Variants in PDE8B observed in about 807,000 individuals in gnomAD.
PDE8B encodes the protein high affinity cAMP-specific and IBMX-insensitive 3',5'-cyclic phosphodiesterase 8B.
Under a neutral mutation model 101.3 loss-of-function variants are expected in PDE8B, and 26 were observed. The ratio of observed to expected loss-of-function variants is 0.26; its 90% CI spans 0.19 to 0.36. PDE8B has a LOEUF of 0.36. Ranked by LOEUF, PDE8B falls within the 10% of genes least tolerant of loss-of-function variation. PDE8B has a pLI of 1.00. For missense variants in PDE8B, 810 were observed against 1,163.1 expected, an observed-to-expected ratio of 0.70 and a Z score of 4.42; for synonymous variants, 424 against 429.3, an observed-to-expected ratio of 0.99 and a Z score of 0.15.
chr5:77,426,027 C>T, intron 21 of PDE8B, 131 bp downstream of exon 21: 1 of 868,672 alleles, frequency 1.2e-6, no homozygotes, highest in Non-Finnish European at 1.9e-6. Context: ...CTTTTTGTGG[C>T]CAAGTGGGGT....
chr5:77,324,356 G>C (rs932423083), intron 2 of PDE8B, among the ~76,000 whole-genome samples: 3 of 152,094 alleles, frequency 2.0e-5, no homozygotes, highest in Non-Finnish European at 4.4e-5. Context: ...GGGCATGGGG[G>C]GTACAAGCAG....
intron 2 of PDE8B, among the ~76,000 whole-genome samples, chr5:77,322,870 T>C (rs1426376195): frequency 7.2e-5 from 11 of 152,262 alleles, no homozygotes; most frequent in Admixed American, 7.2e-4. Flanking sequence ...CAACATACCA[T>C]AAGCAGTTAA....
At chr5:77,091,958 G>A in the PDE8B span, among the ~76,000 whole-genome samples, 1 of 152,082 alleles carries the variant, frequency 6.6e-6, no homozygotes, top group Admixed American at 6.5e-5. Flanking sequence ...CCCTCAAGAG[G>A]ATTACACTCC....
chr5:77,343,543 A>ATGGAGCTTGCAGGAC (rs1273667342), intron 6 of PDE8B, among the ~76,000 whole-genome samples: 1 of 152,226 alleles, frequency 6.6e-6, no homozygotes. Flanking sequence ...CTTAGCATGA[A>ATGGAGCTTGCAGGAC]TGGAGCTTGC....
At chr5:77,426,127 C>G in intron 21 of PDE8B, 1 of 607,046 alleles carries the variant, frequency 1.6e-6, no homozygotes, top group African/African-American at 1.8e-5. Flanking sequence ...AAACGAGTCT[C>G]TGCCTCTTCA....
chr5:77,326,627 T>C (rs1192608717), intron 3 of PDE8B, among the ~76,000 whole-genome samples: 1 of 152,196 alleles, frequency 6.6e-6, no homozygotes, highest in Non-Finnish European at 1.5e-5. Flanking sequence ...CTTCAAATAA[T>C]CTCATCTTTC....
intron 10 of PDE8B, among the ~76,000 whole-genome samples, chr5:77,382,785 A>G (rs1296763481): frequency 6.6e-6 from 1 of 152,104 alleles, no homozygotes; most frequent in Admixed American, 6.6e-5. Context: ...TTATGGCTGC[A>G]TAGTATTCCA....
chr5:77,308,477 T>C lies in PDE8B; in HGVS notation c.340-3517T>C, dbSNP rs544624527. Among the ~76,000 whole-genome samples, 3 of 152,246 alleles carry C rather than the reference T, an allele frequency of 2.0e-5. No homozygotes were observed. The South Asian group carries it at 6.2e-4, about 32-fold the overall frequency. On this transcript the variant is annotated intron_variant, in intron 1 of 21. Transcript: ENST00000264917. ...GGAGAATGTCCCTTAGCAGCAACTT[T>C]ACAGCCCCACTTCCGGGCTCTGCTG... is the stretch of plus-strand genomic sequence containing the variant.
chr5:77,176,698 A>G, the PDE8B span, among the ~76,000 whole-genome samples: 1 of 152,218 alleles, frequency 6.6e-6, no homozygotes, highest in African/African-American at 2.4e-5. Context: ...TGGCTGGTTG[A>G]TATGGAGAGC....
In PDE8B at chr5:77,419,759, T is replaced by C. The variant is rs764097395; in HGVS notation, c.2130-8T>C. The C allele has an allele frequency of 1.2e-6, 2 of 1,613,912 alleles. No homozygotes were observed. Among genetic ancestry groups the C allele is most frequent in the Non-Finnish European group, 1.7e-6 (2 of 1,179,868 alleles). ...TGAACAAGCCCCTTTGTCTTGTGGT[T>C]ATTTTAGGAACCATTATCGAACGCT... On this transcript the variant is annotated splice_region_variant and splice_polypyrimidine_tract_variant and intron_variant, in intron 18 of 21. Transcript: ENST00000264917.
chr5:77,376,166 A>C (rs1225717692), intron 10 of PDE8B, among the ~76,000 whole-genome samples: 2 of 152,202 alleles, frequency 1.3e-5, no homozygotes. Context: ...ATTTCTTCAC[A>C]GGTGGCATCC....
intron 1 of PDE8B, among the ~76,000 whole-genome samples, chr5:77,243,564 C>G (rs1210656539): frequency 3.3e-5 from 5 of 152,104 alleles, no homozygotes; most frequent in African/African-American, 1.2e-4. Context: ...TTGGTTTTAA[C>G]TTTTCTGGAA....
At chr5:77,398,157 CAG>C (rs1052170033) in intron 10 of PDE8B, among the ~76,000 whole-genome samples, 1 of 151,752 alleles carries the variant, frequency 6.6e-6, no homozygotes, top group Non-Finnish European at 1.5e-5. Context: ...AATGGAGAAA[CAG>C]AATTTGGTCA....
chr5:77,215,065 G>C (rs1287782161), intron 1 of PDE8B, among the ~76,000 whole-genome samples: 2 of 152,132 alleles, frequency 1.3e-5, no homozygotes, highest in Non-Finnish European at 2.9e-5. Flanking sequence ...TGGGAAACCT[G>C]CTATCCCTGT....
At chr5:77,408,700 A>G (rs573919666) in intron 13 of PDE8B, among the ~76,000 whole-genome samples, 193 bp from the exon 14 acceptor site, 2 of 152,304 alleles carry the variant, frequency 1.3e-5, no homozygotes, top group Non-Finnish European at 2.9e-5. Flanking sequence ...ACTCACTGAG[A>G]CAGGAGAACA....
intron 1 of PDE8B, among the ~76,000 whole-genome samples, chr5:77,247,458 G>T (rs527984856): frequency 5.3e-5 from 8 of 152,208 alleles, no homozygotes; most frequent in Non-Finnish European, 1.2e-4. Context: ...GCCCTGTGGG[G>T]CCACAACCAT....
chr5:77,167,642 A>G, the PDE8B span, among the ~76,000 whole-genome samples: 1 of 152,268 alleles, frequency 6.6e-6, no homozygotes, highest in Middle Eastern at 3.4e-3. Flanking sequence ...CCAGGAAGAG[A>G]GATGTCCCCT....
intron 11 of PDE8B, among the ~76,000 whole-genome samples, chr5:77,401,240 TCA>T: frequency 6.6e-6 from 1 of 152,306 alleles, no homozygotes; most frequent in African/African-American, 2.4e-5. Context: ...TAATGACACT[TCA>T]CACACAGGTG....
chr5:77,219,455 A>G (rs1006099357), intron 1 of PDE8B, among the ~76,000 whole-genome samples: 4 of 152,182 alleles, frequency 2.6e-5, no homozygotes, highest in Non-Finnish European at 5.9e-5. Flanking sequence ...CACCCAGGGT[A>G]CCATATGAAG....
Sources: gnomAD v4.1 joint callset for allele counts (sites outside exome capture counted in the v4.1 genomes callset) on GRCh38, gnomAD v4.1.1 for gene constraint, MANE v1.5 for transcripts, NCBI Gene and HGNC (gene_info 2026-07-23, HGNC 2026-07-21) for gene names.